CYREN: variants seen among roughly 807,000 people sequenced by gnomAD.
The protein encoded by CYREN is cell cycle regulator of NHEJ, also known as cell cycle regulator of non-homologous end joining.
CYREN carries 7 observed loss-of-function variants against 9.7 expected under a neutral mutation model. That is an observed-to-expected ratio of 0.72 (90% confidence interval 0.41 to 1.36). The LOEUF is 1.36. CYREN is among the 40% of genes most tolerant of loss of function. The pLI is 0.01. For missense variants in CYREN, 215 were observed against 198.1 expected (o/e 1.09, Z -0.51); for synonymous variants, 76 against 77.9 (o/e 0.98, Z 0.13).
intron 2 of CYREN, among the ~76,000 whole-genome samples, chr7:135,107,844 T>C (rs1343457542): frequency 6.6e-6 from 1 of 152,216 alleles, no homozygotes; most frequent in African/African-American, 2.4e-5. Flanking sequence ...TGTGGGAATC[T>C]AAGTCTTTTT....
chr7:135,156,129 T>G (rs547748548), intron 2 of CYREN, among the ~76,000 whole-genome samples: 17 of 152,328 alleles, frequency 1.1e-4, no homozygotes, highest in Admixed American at 2.6e-4. Flanking sequence ...CTGATGAGAT[T>G]TGGGATTTCC....
At chr7:135,153,546 G>C (rs1027862836) in intron 2 of CYREN, among the ~76,000 whole-genome samples, 7 of 151,980 alleles carry the variant, frequency 4.6e-5, no homozygotes, top group Non-Finnish European at 7.4e-5. Context: ...TACATTGTTG[G>C]TGGGAATGTA....
chr7:135,168,291 A>ACCACCCCCCCCCCCCCCCCC (rs1554392990), intron 2 of CYREN: 1 of 6,354 alleles, frequency 1.6e-4, no homozygotes, highest in African/African-American at 5.1e-4. Flanking sequence ...GAGACTCACC[A>ACCACCCCCCCCCCCCCCCCC]CCCCCCCCCC....
chr7:135,131,375 A>G (rs899255500), intron 2 of CYREN, among the ~76,000 whole-genome samples: 1 of 152,146 alleles, frequency 6.6e-6, no homozygotes, highest in African/African-American at 2.4e-5. Flanking sequence ...AAACCACCAT[A>G]GCACACATAT....
At chr7:135,129,272 C>T in intron 2 of CYREN, 5 of 1,519,292 alleles carry the variant, frequency 3.3e-6, no homozygotes, top group Non-Finnish European at 4.6e-6. Context: ...GCAATTTTGC[C>T]TTCTGTACCT....
chr7:135,156,309 A>G (rs1332879035), intron 2 of CYREN, among the ~76,000 whole-genome samples: 1 of 152,106 alleles, frequency 6.6e-6, no homozygotes, highest in Non-Finnish European at 1.5e-5. Flanking sequence ...TAAACTTTCT[A>G]ATCTCTCTTC....
intron 2 of CYREN, among the ~76,000 whole-genome samples, chr7:135,105,173 G>C (rs534266022): frequency 6.7e-6 from 1 of 149,858 alleles, no homozygotes; most frequent in African/African-American, 2.4e-5. Flanking sequence ...AGATTCAAGA[G>C]ATTCTCTTGC....
At chr7:135,097,525 T>A (rs897920287) in intron 2 of CYREN, among the ~76,000 whole-genome samples, 1 of 152,220 alleles carries the variant, frequency 6.6e-6, no homozygotes. Context: ...ATGTAAATTT[T>A]GGCATGTTTC....
chr7:135,143,596 C>T lies in CYREN; in HGVS notation n.356+25153G>A, dbSNP rs558355804. ...ACATGAGATATCTCTGTACCTTCCTCTCAATTTTCCTGTGAACCTAAAACC... is the reference window on the plus strand; with the variant it reads ...ACATGAGATATCTCTGTACCTTCCTTTCAATTTTCCTGTGAACCTAAAACC... On this transcript the variant is annotated intron_variant and non_coding_transcript_variant, in intron 2 of 2. Transcript: ENST00000459937. Among the ~76,000 whole-genome samples, 62 of 152,232 alleles carry T rather than the reference C, an allele frequency of 4.1e-4. 1 individual carries two copies. Among genetic ancestry groups the T allele is most frequent in the African/African-American group, 1.4e-3 (57 of 41,528 alleles).
In CYREN at chr7:135,151,804, C is replaced by G. The variant is rs923883907; in HGVS notation, n.356+16945G>C. Among the ~76,000 whole-genome samples the G allele has an allele frequency of 6.6e-6, 1 of 152,182 alleles. No homozygotes were observed. The highest frequency in any genetic ancestry group is 2.4e-5 in the African/African-American group (1 of 41,434). On this transcript the variant is annotated intron_variant and non_coding_transcript_variant, in intron 2 of 2. Coordinates refer to the CYREN transcript ENST00000459937. The surrounding 1 kb of genome is among the most constrained non-coding windows in gnomAD (Gnocchi z 4.3). ...GTCATATGACTAGTGAGTGACAGAA[C>G]GACGACATGCTCCCAGGTCATCTGG...
At chr7:135,096,379 C>T (rs1822703928) in intron 2 of CYREN, among the ~76,000 whole-genome samples, 2 of 143,790 alleles carry the variant, frequency 1.4e-5, no homozygotes, top group South Asian at 4.5e-4. Flanking sequence ...GACAGACAGA[C>T]AGAGAAGGAA....
rs190061611 is a variant in CYREN at position 135,119,419 on chromosome 7, C to T, written n.357-24837G>A. 7.5e-4 allele frequency among the ~76,000 whole-genome samples: 113 copies of T among 151,582 alleles called. No individual in the cohort carries two copies. In the East Asian group the frequency reaches 0.011, roughly 14 times the overall value. ...CCAATTTTTGTATTTTTAGTAGAGA[C>T]GAGGTTTTGCTGTGTTGGCCATGCT... is the stretch of plus-strand genomic sequence containing the variant. On this transcript the variant is annotated intron_variant and non_coding_transcript_variant, in intron 2 of 2. Transcript: ENST00000459937.
chr7:135,093,534 T>C (rs1822182684), exon 3 of CYREN: 1 of 152,056 alleles, frequency 6.6e-6, no homozygotes, highest in African/African-American at 2.4e-5. Flanking sequence ...ACAAAATACT[T>C]AGGAATAAAT....
intron 2 of CYREN, chr7:135,101,318 A>G: frequency 2.2e-6 from 1 of 452,988 alleles, no homozygotes; most frequent in South Asian, 1.6e-5. Flanking sequence ...TCATGCATAC[A>G]AAGATGGTTT....
chr7:135,171,312 T>TTG (rs1554394661), upstream of CYREN, among the ~76,000 whole-genome samples: 7 of 12,062 alleles, frequency 5.8e-4, no homozygotes, highest in Non-Finnish European at 0.017. Context: ...AGTACCTGTT[T>TTG]TTTTTTTTTT....
At chr7:135,170,728 C>G (rs1335121961), upstream of CYREN, 2 of 152,408 alleles carry the variant, frequency 1.3e-5, no homozygotes, top group Admixed American at 1.3e-4. Context: ...CTCTTCCGGC[C>G]CCGCGCGCTC....
chr7:135,114,164 T>C (rs1301903182), intron 2 of CYREN, among the ~76,000 whole-genome samples: 1 of 152,214 alleles, frequency 6.6e-6, no homozygotes, highest in African/African-American at 2.4e-5. Context: ...AATATGAATG[T>C]ATCTATGTCT....
chr7:135,118,241 C>G (rs1826605863), intron 2 of CYREN, among the ~76,000 whole-genome samples: 1 of 152,168 alleles, frequency 6.6e-6, no homozygotes, highest in East Asian at 1.9e-4. Context: ...CACTATTTGT[C>G]TGTACCTTCA....
intron 2 of CYREN, among the ~76,000 whole-genome samples, chr7:135,139,782 C>A (rs1301747549): frequency 6.6e-6 from 1 of 152,148 alleles, no homozygotes; most frequent in East Asian, 1.9e-4. Context: ...TTTCAATTTT[C>A]TGCATATGAC....
Sources: allele counts gnomAD v4.1 joint callset (sites outside exome capture counted in the v4.1 genomes callset), GRCh38; gene constraint gnomAD v4.1.1; non-coding constraint Gnocchi (gnomAD v3.1); transcripts MANE v1.5; gene names NCBI Gene and HGNC (gene_info 2026-07-23, HGNC 2026-07-21).